The following NRXN3 variants were observed in gnomAD, a reference collection of about 807,000 sequenced individuals.
NRXN3 encodes neurexin 3, also known as neurexin III.
A neutral mutation model predicts 137.6 loss-of-function variants in NRXN3; 32 were observed. That is an observed-to-expected ratio of 0.23 (90% CI 0.18 to 0.31). The LOEUF (loss-of-function observed/expected upper bound fraction) is 0.31, where lower values mean the gene tolerates loss of function less well. Among genes scored for constraint, NRXN3 ranks in the 10% least tolerant of loss-of-function variants. NRXN3 has a pLI of 1.00. For synonymous variants in NRXN3, 798 were observed against 784.5 expected (o/e 1.02, Z -0.29); for missense variants, 1,574 against 2,062.5 (o/e 0.76, Z 4.59).
chr14:79,695,009 T>G (rs1399443180), intron 18 of NRXN3, among the ~76,000 whole-genome samples: 1 of 152,020 alleles, frequency 6.6e-6, no homozygotes, highest in Non-Finnish European at 1.5e-5. Context: ...TTCTCAAGAA[T>G]TGATTAGTCA....
intron 15 of NRXN3, among the ~76,000 whole-genome samples, chr14:79,038,837 C>T (rs1201786662): frequency 6.6e-6 from 1 of 152,116 alleles, no homozygotes; most frequent in Non-Finnish European, 1.5e-5. Context: ...CCTGGCCTTT[C>T]GTTCCCTGGT....
intron 3 of NRXN3, among the ~76,000 whole-genome samples, 161 bp downstream of exon 3, chr14:78,278,823 G>T (rs1190530066): frequency 6.6e-6 from 1 of 152,188 alleles, no homozygotes; most frequent in Admixed American, 6.5e-5. Context: ...TAATGGATTT[G>T]TATTGGTTTT....
At chr14:78,937,050 G>A (rs148737198) in intron 10 of NRXN3, among the ~76,000 whole-genome samples, 20 of 151,776 alleles carry the variant, frequency 1.3e-4, no homozygotes, top group African/African-American at 2.9e-4. Flanking sequence ...GTGAAACCCC[G>A]TCTTTACTAA....
chr14:78,365,546 C>G (rs971489248), intron 4 of NRXN3, among the ~76,000 whole-genome samples: 2 of 152,176 alleles, frequency 1.3e-5, no homozygotes, highest in African/African-American at 4.8e-5. Flanking sequence ...GGCTAGAACT[C>G]AGTCATGAGC....
intron 14 of NRXN3, among the ~76,000 whole-genome samples, chr14:78,968,584 AAAAAT>A (rs1246443942): frequency 3.9e-5 from 6 of 152,200 alleles, no homozygotes; most frequent in African/African-American, 7.2e-5. Context: ...ACTTGCCAAT[AAAAAT>A]AAAATAAAAT....
intron 4 of NRXN3, among the ~76,000 whole-genome samples, chr14:78,519,853 T>C (rs1266070381): frequency 6.6e-6 from 1 of 152,166 alleles, no homozygotes; most frequent in Non-Finnish European, 1.5e-5. Context: ...AGTTTAGAGA[T>C]GTTTGTAGAG....
chr14:79,197,736 A>G (rs2065330878), intron 15 of NRXN3, among the ~76,000 whole-genome samples: 1 of 152,062 alleles, frequency 6.6e-6, no homozygotes, highest in African/African-American at 2.4e-5. Flanking sequence ...GTGGTTGCGG[A>G]AGGTTGGGGT....
chr14:79,508,060 ATTTGGGCTCTAT>A (rs2096894645), intron 16 of NRXN3, among the ~76,000 whole-genome samples: 1 of 152,088 alleles, frequency 6.6e-6, no homozygotes, highest in Non-Finnish European at 1.5e-5. Context: ...ACTCATATCT[ATTTGGGCTCTAT>A]TTTGGGCTGT....
chr14:78,276,565 G>A (rs2073628737), intron 2 of NRXN3, among the ~76,000 whole-genome samples: 1 of 152,196 alleles, frequency 6.6e-6, no homozygotes, highest in Non-Finnish European at 1.5e-5. Flanking sequence ...ACCCCCATGA[G>A]GGAGGCTCTG....
intron 15 of NRXN3, among the ~76,000 whole-genome samples, chr14:79,417,193 G>C (rs564517813): frequency 2.6e-5 from 4 of 152,272 alleles, no homozygotes; most frequent in African/African-American, 9.6e-5. Flanking sequence ...TATGCAAGAA[G>C]CACCTGTGGC....
Position 79,486,951 on chromosome 14 carries a change from CT to C in NRXN3, c.3444+19550del, listed in dbSNP as rs1567258812. Among the ~76,000 whole-genome samples the C allele has an allele frequency of 1.2e-3, 176 of 150,572 alleles. 2 individuals carry two copies. Among genetic ancestry groups the C allele is most frequent in the African/African-American group, 4.0e-3 (164 of 40,952 alleles). ...TCTCTCTCTCTCTCTCTCTCTCTCT[CT>C]CTCTCTCTCCCACACACACACACCC... On this transcript the variant is annotated intron_variant, in intron 16 of 20. Coordinates refer to ENST00000335750, the MANE Select transcript of NRXN3 (RefSeq NM_001330195.2).
At chr14:79,806,497 G>A (rs887669183) in intron 20 of NRXN3, among the ~76,000 whole-genome samples, 1 of 152,106 alleles carries the variant, frequency 6.6e-6, no homozygotes, top group Non-Finnish European at 1.5e-5. Context: ...TGTGTGGAGG[G>A]AAAGTAAATG....
At chr14:78,620,958 A>G (rs1355955308) in intron 4 of NRXN3, among the ~76,000 whole-genome samples, 2 of 152,234 alleles carry the variant, frequency 1.3e-5, no homozygotes, top group African/African-American at 4.8e-5. Flanking sequence ...AGGAGGAATT[A>G]TGATTCTGGA....
chr14:79,793,067 A>G (rs1001817137), intron 19 of NRXN3, among the ~76,000 whole-genome samples: 4 of 152,146 alleles, frequency 2.6e-5, no homozygotes, highest in African/African-American at 4.8e-5. Context: ...ATGTGCATTA[A>G]AAGAGCCACA....
intron 15 of NRXN3, among the ~76,000 whole-genome samples, chr14:79,212,139 G>T (rs899866031): frequency 6.6e-6 from 1 of 152,120 alleles, no homozygotes; most frequent in Non-Finnish European, 1.5e-5. Flanking sequence ...TGTTACTATT[G>T]TCTCAGCAGC....
chr14:79,460,935 C>T (rs2096328815), intron 15 of NRXN3, among the ~76,000 whole-genome samples: 2 of 152,160 alleles, frequency 1.3e-5, no homozygotes, highest in African/African-American at 4.8e-5. Context: ...TTTAAGGCTG[C>T]TTTATCATCA....
intron 10 of NRXN3, among the ~76,000 whole-genome samples, chr14:78,873,704 A>G (rs1302540473): frequency 6.6e-6 from 1 of 152,202 alleles, no homozygotes; most frequent in Admixed American, 6.5e-5. Context: ...GATGTACAGA[A>G]GTCTACTTGC....
chr14:79,857,366 T>C (rs1006446645), intron 20 of NRXN3, among the ~76,000 whole-genome samples: 5 of 152,054 alleles, frequency 3.3e-5, no homozygotes, highest in Non-Finnish European at 7.4e-5. Flanking sequence ...GGACTACAGG[T>C]GCCAGCCACT....
intron 15 of NRXN3, among the ~76,000 whole-genome samples, chr14:79,273,357 G>A (rs1201079494): frequency 1.3e-5 from 2 of 151,522 alleles, no homozygotes; most frequent in Non-Finnish European, 2.9e-5. Context: ...AAAATGGGCC[G>A]GGCACGGTGG....
Sources: allele counts gnomAD v4.1 joint callset (sites outside exome capture counted in the v4.1 genomes callset), GRCh38; gene constraint gnomAD v4.1.1; transcripts MANE v1.5; gene names NCBI Gene and HGNC (gene_info 2026-07-23, HGNC 2026-07-21).